LSG1: variants seen among roughly 807,000 people sequenced by gnomAD.
The protein encoded by LSG1 is large 60S subunit nuclear export GTPase 1.
Under a neutral mutation model 82.6 loss-of-function variants are expected in LSG1, and 55 were observed. The observed-to-expected ratio is 0.67, with a 90% CI of 0.54 to 0.83. The LOEUF is 0.83. Ranked by LOEUF, LSG1 falls within the 40% of genes least tolerant of loss-of-function variation. The pLI is 0.00. For synonymous variants in LSG1, 272 were observed against 282.5 expected, an observed-to-expected ratio of 0.96 and a Z score of 0.37; for missense variants, 809 against 807.9, an observed-to-expected ratio of 1.00 and a Z score of -0.02.
chr3:194,646,276 G>A (rs1315168079), intron 11 of LSG1, 33 bp from the exon 12 acceptor site: 3 of 1,553,248 alleles, frequency 1.9e-6, no homozygotes, highest in Non-Finnish European at 2.7e-6. Context: ...CAAAATCTTA[G>A]ATGACAGAAT....
chr3:194,644,567 A>G lies in LSG1; in HGVS notation c.1797+6T>C. ...TCAGAAGTTTAAGAAAAGCTTTAAAACTTACTTGATGGAAAAAAGTTTTGT... is the reference window on the plus strand; with the variant it reads ...TCAGAAGTTTAAGAAAAGCTTTAAAGCTTACTTGATGGAAAAAAGTTTTGT... On this transcript the variant is annotated splice_donor_region_variant and intron_variant, in intron 13 of 13. Transcript: ENST00000265245. The G allele has an allele frequency of 6.2e-7, 1 of 1,607,592 alleles. No homozygotes were observed.
chr3:194,642,254 AAT>A lies in LSG1; in HGVS notation c.1798-9_1798-8del. The A allele has an allele frequency of 6.2e-7, 1 of 1,609,812 alleles. No homozygotes were observed. Among genetic ancestry groups the A allele is most frequent in the Non-Finnish European group, 8.5e-7 (1 of 1,177,908 alleles). ...TCAAAGCCCTCACATTCTCCTAGGA[AAT>A]AAGAGAAAACATTATCTGAGCTGTC... On this transcript the variant is annotated splice_polypyrimidine_tract_variant and splice_region_variant and intron_variant, in intron 13 of 13. Transcript: ENST00000265245.
intron 6 of LSG1, 63 bp from the exon 7 acceptor site, chr3:194,659,196 T>C: frequency 7.3e-7 from 1 of 1,362,300 alleles, no homozygotes; most frequent in Middle Eastern, 2.1e-4. Context: ...AGGCTAATTA[T>C]ATTAAAGATC....
At position 194,644,577 on chromosome 3, in the gene LSG1, T is replaced by C. The variant is rs930766067; in HGVS notation, c.1793A>G (p.His598Arg). ...IENIVDKTFF[H>R]QENVRALTKG... ...AAGAAAAGCTTTAAAACTTACTTGA[T>C]GGAAAAAAGTTTTGTCAACGATATT... Residue 598 changes from histidine (H) to arginine (R), a missense_variant, in exon 13 of 14, where the codon CAT becomes CGT. By Grantham distance (29) the His-to-Arg change is conservative. Transcript: ENST00000265245. 3 of 1,609,502 alleles carry C rather than the reference T, an allele frequency of 1.9e-6. No individual in the cohort carries two copies. The highest frequency in any genetic ancestry group is 2.2e-5 in the South Asian group (2 of 90,400).
At chr3:194,667,727 G>C (rs1310979406) in intron 2 of LSG1, among the ~76,000 whole-genome samples, 1 of 151,096 alleles carries the variant, frequency 6.6e-6, no homozygotes, top group Non-Finnish European at 1.5e-5. Context: ...TTCGAGACCA[G>C]CCTGGCCTAC....
rs1173859354 is a variant in LSG1 at position 194,652,770 on chromosome 3, T to G, written c.1132A>C (p.Thr378Pro). ...TGCCCATCTTTCACCTTTCTCCCAG[T>G]GTGTAGCTCCTTAAAGAGCTCCAGT... is the stretch of plus-strand genomic sequence containing the variant. ...ELLELFKELH[T>P]GRKVKDGQLT... The change falls in exon 8 of 14, where the codon ACT (threonine) becomes CCT (proline). Residue 378 changes from threonine (T) to proline (P), a missense_variant. Thr to Pro is a conservative substitution (Grantham distance 38, BLOSUM62 -1). Transcript: ENST00000265245. The G allele has an allele frequency of 6.2e-7, 1 of 1,613,962 alleles. No individual in the cohort carries two copies. The highest frequency in any genetic ancestry group is 8.5e-7 in the Non-Finnish European group (1 of 1,179,972).
Position 194,665,584 on chromosome 3 carries a change from C to G in LSG1, c.494G>C (p.Arg165Pro), listed in dbSNP as rs376280732. 3.7e-6 allele frequency: 6 copies of G among 1,613,056 alleles called. No individual in the cohort carries two copies. In the African/African-American group the frequency reaches 8.0e-5, roughly 22 times the overall value. Residue 165 changes from arginine to proline, a missense_variant, in exon 5 of 14, where the codon CGC becomes CCC. Transcript: ENST00000265245. Reference protein sequence around the residue: ...TPFERNLDFWRQLWRVIERSD... With the variant: ...TPFERNLDFWPQLWRVIERSD... ...TCTCTCAATGACTCTCCAGAGCTGGCGCCAAAAGTCCAAATTTCGTTCAAA... is the reference window on the plus strand; with the variant it reads ...TCTCTCAATGACTCTCCAGAGCTGGGGCCAAAAGTCCAAATTTCGTTCAAA...
Position 194,642,019 on chromosome 3 carries a change from C to T in LSG1, c.*49G>A, listed in dbSNP as rs1718403391. 7.6e-6 allele frequency: 12 copies of T among 1,586,678 alleles called. No homozygotes were observed. The highest frequency in any genetic ancestry group is 1.0e-5 in the Non-Finnish European group (12 of 1,164,958). On this transcript the variant is annotated 3_prime_UTR_variant, in exon 14 of 14. Coordinates refer to ENST00000265245, the MANE Select transcript of LSG1 (RefSeq NM_018385.3). ...TTCCACAGGCAACAGGCAGCTTCTG[C>T]TCTTTTCCATCTGCACAATGCAGAT...
chr3:194,645,605 CACACACACACACACACAG>C (rs1560219959), intron 12 of LSG1, among the ~76,000 whole-genome samples: 4 of 134,084 alleles, frequency 3.0e-5, no homozygotes, highest in African/African-American at 1.1e-4. Flanking sequence ...CACACACACA[CACACACACACACACACAG>C]AGTTTTCATT....
At chr3:194,652,682 T>C in intron 8 of LSG1, 47 bp downstream of exon 8, 2 of 1,566,022 alleles carry the variant, frequency 1.3e-6, no homozygotes, top group Non-Finnish European at 1.7e-6. Context: ...AAAATGGGGA[T>C]TAAAGACAAT....
At chr3:194,655,423 GAC>G (rs1366707090) in intron 7 of LSG1, among the ~76,000 whole-genome samples, 2 of 152,110 alleles carry the variant, frequency 1.3e-5, no homozygotes, top group Non-Finnish European at 2.9e-5. Flanking sequence ...ACTTCACCAA[GAC>G]ATTGACTTCC....
chr3:194,670,292 TC>T (rs1719118401), intron 1 of LSG1, among the ~76,000 whole-genome samples, 157 bp from the exon 2 acceptor site: 1 of 152,254 alleles, frequency 6.6e-6, no homozygotes, highest in South Asian at 2.1e-4. Flanking sequence ...AGGAACACGT[TC>T]TTACCTCACA....
chr3:194,672,190 C>T lies in LSG1; in HGVS notation c.-28G>A. 1 of 1,530,492 alleles carries T rather than the reference C, an allele frequency of 6.5e-7. No individual in the cohort carries two copies. The highest frequency in any genetic ancestry group is 8.9e-7 in the Non-Finnish European group (1 of 1,118,630). The allele number at this position is 1,530,492 out of a possible 1,614,324, so 94.8% of individuals were successfully genotyped here. On this transcript the variant is annotated 5_prime_UTR_variant, in exon 1 of 14. Transcript: ENST00000265245. ...CAACACGACCGCTGGACGAAGCTTC[C>T]CGGCTCGGCGCGTGCAGTTTCCGGG...
chr3:194,643,434 G>A (rs1051832282), intron 13 of LSG1, among the ~76,000 whole-genome samples: 1 of 151,978 alleles, frequency 6.6e-6, no homozygotes, highest in African/African-American at 2.4e-5. Flanking sequence ...ATGTGCCAAC[G>A]AGCACATAAA....
intron 1 of LSG1, among the ~76,000 whole-genome samples, chr3:194,671,064 C>G (rs1246429507): frequency 6.6e-6 from 1 of 152,186 alleles, no homozygotes; most frequent in African/African-American, 2.4e-5. Context: ...CACTGGCACT[C>G]TAGCCTGGGT....
intron 5 of LSG1, among the ~76,000 whole-genome samples, chr3:194,662,288 T>G (rs1329943386): frequency 3.9e-5 from 6 of 152,128 alleles, no homozygotes; most frequent in Non-Finnish European, 7.3e-5. Context: ...ATGGAGAAAA[T>G]GAACTTGACA....
intron 2 of LSG1, among the ~76,000 whole-genome samples, chr3:194,667,742 T>G (rs1466146213): frequency 1.3e-5 from 2 of 150,630 alleles, no homozygotes; most frequent in South Asian, 2.1e-4. Context: ...GCCTACAAGG[T>G]GAAACCCCCG....
At chr3:194,666,111 C>A in intron 4 of LSG1, 92 bp downstream of exon 4, 4 of 1,128,342 alleles carry the variant, frequency 3.5e-6, no homozygotes, top group Non-Finnish European at 5.3e-6. Context: ...TTAAAAGAAT[C>A]AAAACTTCAA....
intron 7 of LSG1, among the ~76,000 whole-genome samples, chr3:194,655,826 G>A (rs1162980612): frequency 2.0e-5 from 3 of 152,118 alleles, no homozygotes; most frequent in African/African-American, 7.2e-5. Flanking sequence ...GAACAGAACA[G>A]AGCCCTCAGA....
Sources: allele counts gnomAD v4.1 joint callset (sites outside exome capture counted in the v4.1 genomes callset), GRCh38; gene constraint gnomAD v4.1.1; transcripts MANE v1.5; gene names NCBI Gene and HGNC (gene_info 2026-07-23, HGNC 2026-07-21).